The following GPBP1 variants were observed in gnomAD, a reference collection of about 807,000 sequenced individuals.
GPBP1 encodes the protein GC-rich promoter binding protein 1, also known as vasculin.
Under a neutral mutation model 56.5 loss-of-function variants are expected in GPBP1, and 13 were observed. The observed-to-expected ratio is 0.23, with a 90% CI of 0.15 to 0.37. GPBP1 has a LOEUF of 0.37. Ranked by LOEUF, GPBP1 falls within the 10% of genes least tolerant of loss-of-function variation. The pLI is 1.00. For missense variants in GPBP1, 477 were observed against 572.3 expected, an observed-to-expected ratio of 0.83 and a Z score of 1.70; for synonymous variants, 204 against 188.9, an observed-to-expected ratio of 1.08 and a Z score of -0.66.
chr5:57,220,741 C>G (rs1049410555), intron 3 of GPBP1, among the ~76,000 whole-genome samples: 17 of 151,970 alleles, frequency 1.1e-4, no homozygotes, highest in Admixed American at 2.0e-4. Context: ...ATTACAGGCA[C>G]GAGCCACTGC....
intron 5 of GPBP1, among the ~76,000 whole-genome samples, chr5:57,233,846 C>T (rs143365892): frequency 6.6e-6 from 1 of 152,152 alleles, no homozygotes; most frequent in Non-Finnish European, 1.5e-5. Flanking sequence ...ATAGTACTCT[C>T]ATAGTGTTGT....
chr5:57,248,382 A>T (rs1741190634), intron 8 of GPBP1, among the ~76,000 whole-genome samples: 1 of 150,020 alleles, frequency 6.7e-6, no homozygotes, highest in Non-Finnish European at 1.5e-5. Context: ...TATACCTGAA[A>T]TTGCTTTGGG....
At chr5:57,220,124 A>T (rs1473783758) in intron 3 of GPBP1, among the ~76,000 whole-genome samples, 1 of 152,074 alleles carries the variant, frequency 6.6e-6, no homozygotes, top group Admixed American at 6.6e-5. Flanking sequence ...CTTCATTTAA[A>T]TGTTAACTTG....
intron 10 of GPBP1, among the ~76,000 whole-genome samples, chr5:57,255,950 A>G (rs1741637401): frequency 6.6e-6 from 1 of 152,126 alleles, no homozygotes; most frequent in Admixed American, 6.6e-5. Context: ...TTTAGAAACT[A>G]AGGCAAATCA....
At chr5:57,236,763 A>AT in intron 6 of GPBP1, among the ~76,000 whole-genome samples, 1 of 152,310 alleles carries the variant, frequency 6.6e-6, no homozygotes, top group Admixed American at 6.5e-5. Context: ...GAAAAATAAA[A>AT]TTAATCATTT....
intron 10 of GPBP1, among the ~76,000 whole-genome samples, chr5:57,257,275 A>C (rs1420030450): frequency 1.3e-5 from 2 of 152,164 alleles, no homozygotes; most frequent in Non-Finnish European, 2.9e-5. Context: ...ACCTCAGGTG[A>C]TCCACCGCCT....
intron 3 of GPBP1, 124 bp downstream of exon 3, chr5:57,214,317 GGC>G (rs1313168886): frequency 2.4e-5 from 20 of 825,064 alleles, no homozygotes; most frequent in Non-Finnish European, 3.0e-5. Flanking sequence ...TGGGCGCGGT[GGC>G]TCACCCCTGT....
At chr5:57,236,863 A>G (rs1756683702) in intron 6 of GPBP1, among the ~76,000 whole-genome samples, 2 of 150,590 alleles carry the variant, frequency 1.3e-5, no homozygotes, top group African/African-American at 4.8e-5. Flanking sequence ...CACTAAAACA[A>G]AAGGATTGTG....
chr5:57,254,914 A>G (rs977224752), intron 10 of GPBP1, among the ~76,000 whole-genome samples: 3 of 152,226 alleles, frequency 2.0e-5, no homozygotes, highest in Admixed American at 6.5e-5. Context: ...TGCCTCCCAA[A>G]TTGTGGAACT....
chr5:57,215,095 C>T (rs1755647686), intron 3 of GPBP1, among the ~76,000 whole-genome samples: 1 of 152,212 alleles, frequency 6.6e-6, no homozygotes, highest in Non-Finnish European at 1.5e-5. Context: ...TTGAACAGAG[C>T]ATCTTACCTT....
In GPBP1 at chr5:57,240,035, G is replaced by A. The variant is rs559877146; in HGVS notation, c.478+4003G>A. Among the ~76,000 whole-genome samples the A allele has an allele frequency of 1.1e-4, 17 of 152,084 alleles. No individual in the cohort carries two copies. The South Asian group carries it at 3.5e-3, about 32-fold the overall frequency. ...CAGCATTTTTGGAGCACAGGATGGGGGTATCACTTGGGGCCAGGAGCTCTC... is the reference window on the plus strand; with the variant it reads ...CAGCATTTTTGGAGCACAGGATGGGAGTATCACTTGGGGCCAGGAGCTCTC... On this transcript the variant is annotated intron_variant, in intron 6 of 11. Transcript: ENST00000506184.
intron 2 of GPBP1, among the ~76,000 whole-genome samples, chr5:57,198,976 A>T (rs1754882614): frequency 6.6e-6 from 1 of 152,246 alleles, no homozygotes; most frequent in African/African-American, 2.4e-5. Context: ...TCTGTTAAAC[A>T]GGAAAAATCT....
At chr5:57,246,264 T>G (rs1741085626) in intron 6 of GPBP1, 36 bp from the exon 7 acceptor site, 1 of 1,536,354 alleles carries the variant, frequency 6.5e-7, no homozygotes, top group Non-Finnish European at 8.8e-7. Context: ...AAACTTGAAA[T>G]TGTGAGTGAC....
At chr5:57,199,973 G>A (rs1032155530) in intron 2 of GPBP1, among the ~76,000 whole-genome samples, 22 of 148,192 alleles carry the variant, frequency 1.5e-4, no homozygotes, top group African/African-American at 5.5e-4. Flanking sequence ...GCCGCAAAGT[G>A]CTGGGATTAC....
intron 10 of GPBP1, among the ~76,000 whole-genome samples, chr5:57,260,108 T>C (rs1401189201): frequency 1.3e-5 from 2 of 152,196 alleles, no homozygotes; most frequent in African/African-American, 4.8e-5. Flanking sequence ...TGGGCACACA[T>C]TGAGTGGAAA....
chr5:57,252,795 C>T (rs1356730715), intron 10 of GPBP1, among the ~76,000 whole-genome samples: 2 of 151,842 alleles, frequency 1.3e-5, no homozygotes, highest in Non-Finnish European at 2.9e-5. Context: ...ACTGCCACCT[C>T]ACCTCCTGGG....
intron 2 of GPBP1, among the ~76,000 whole-genome samples, chr5:57,189,273 C>G (rs920583837): frequency 6.6e-6 from 1 of 152,190 alleles, no homozygotes; most frequent in Non-Finnish European, 1.5e-5. Context: ...TGCCTGCCAC[C>G]GTGCCCAGCT....
In GPBP1 at chr5:57,248,297, A is replaced by C. The variant is rs546128926; in HGVS notation, c.804+1082A>C. Among the ~76,000 whole-genome samples, 10 of 152,300 alleles carry C rather than the reference A, an allele frequency of 6.6e-5. No homozygotes were observed. In the South Asian group the frequency reaches 2.1e-3, roughly 32 times the overall value. On this transcript the variant is annotated intron_variant, in intron 8 of 11. Transcript: ENST00000506184. ...AGGTATTTTCTTTCTCATTTGATCA[A>C]GGTTTTGAAACTCCCAGAACAGGGA...
chr5:57,261,076 G>A, intron 10 of GPBP1, 104 bp from the exon 11 acceptor site: 1 of 747,182 alleles, frequency 1.3e-6, no homozygotes. Flanking sequence ...TGGGGTCTTT[G>A]TATAATGGAT....
Sources: gnomAD v4.1 joint callset for allele counts (sites outside exome capture counted in the v4.1 genomes callset) on GRCh38, gnomAD v4.1.1 for gene constraint, MANE v1.5 for transcripts, NCBI Gene and HGNC (gene_info 2026-07-23, HGNC 2026-07-21) for gene names.